The following C8orf34 variants were observed in gnomAD, a reference collection of about 807,000 sequenced individuals.
C8orf34 encodes uncharacterized protein C8orf34.
Under a neutral mutation model 68.3 loss-of-function variants are expected in C8orf34, and 65 were observed. That is an observed-to-expected ratio of 0.95 (90% confidence interval 0.78 to 1.17). C8orf34 has a LOEUF of 1.17. Ranked by LOEUF, C8orf34 falls within the 50% of genes most tolerant of loss-of-function variation. The pLI is 0.00. For synonymous variants in C8orf34, 244 were observed against 241.2 expected, an observed-to-expected ratio of 1.01 and a Z score of -0.11; for missense variants, 664 against 655.4, an observed-to-expected ratio of 1.01 and a Z score of -0.14.
At chr8:68,429,450 T>A (rs1046091229) in intron 1 of C8orf34, among the ~76,000 whole-genome samples, 3 of 152,210 alleles carry the variant, frequency 2.0e-5, no homozygotes, top group Non-Finnish European at 4.4e-5. Context: ...TTGTTTACAA[T>A]CACGTTTATA....
intron 7 of C8orf34, among the ~76,000 whole-genome samples, chr8:68,623,749 GGA>G (rs1447648034): frequency 6.6e-6 from 1 of 151,936 alleles, no homozygotes; most frequent in African/African-American, 2.4e-5. Context: ...AGAAAGAAGG[GGA>G]GAGAGCTCAC....
At chr8:68,581,181 G>A (rs1817054291) in intron 7 of C8orf34, among the ~76,000 whole-genome samples, 1 of 152,230 alleles carries the variant, frequency 6.6e-6, no homozygotes, top group East Asian at 1.9e-4. Context: ...TCTTATGCAA[G>A]TTTTGATGAA....
intron 8 of C8orf34, among the ~76,000 whole-genome samples, chr8:68,674,992 A>G (rs10101569): frequency 0.53 from 79,350 of 151,112 alleles, 21,578 homozygotes; most frequent in African/African-American, 0.67. Flanking sequence ...CCAGGAGACC[A>G]TGGCATGACA....
chr8:68,482,483 C>G (rs994841340), intron 4 of C8orf34, among the ~76,000 whole-genome samples: 1 of 152,082 alleles, frequency 6.6e-6, no homozygotes, highest in Non-Finnish European at 1.5e-5. Flanking sequence ...CTATGTTGCC[C>G]AGGCTGGTCT....
chr8:68,599,422 A>G (rs1205868688), intron 7 of C8orf34, among the ~76,000 whole-genome samples: 1 of 152,098 alleles, frequency 6.6e-6, no homozygotes, highest in Non-Finnish European at 1.5e-5. Context: ...AGGAAGAACA[A>G]AGTGGAAGAT....
intron 10 of C8orf34, among the ~76,000 whole-genome samples, chr8:68,771,393 C>T (rs1823330642): frequency 6.6e-6 from 1 of 152,022 alleles, no homozygotes; most frequent in Non-Finnish European, 1.5e-5. Context: ...CAACATGTAG[C>T]CATCATATTA....
rs1039991858 is a variant in C8orf34, at chr8:68,580,727, T to C, written c.1105+47578T>C. Among the ~76,000 whole-genome samples the C allele has an allele frequency of 3.3e-5, 5 of 152,186 alleles. No homozygotes were observed. The South Asian group carries it at 1.0e-3, about 32-fold the overall frequency. ...AGAAAATGAGAAAGTAAAGAATTTGTACCAAAGTTATTAACTTAGTATGAA... is the reference window on the plus strand; with the variant it reads ...AGAAAATGAGAAAGTAAAGAATTTGCACCAAAGTTATTAACTTAGTATGAA... On this transcript the variant is annotated intron_variant, in intron 7 of 13. Coordinates refer to ENST00000518698, the MANE Select transcript of C8orf34 (RefSeq NM_052958.4).
At chr8:68,566,473 A>T (rs1487937415) in intron 7 of C8orf34, among the ~76,000 whole-genome samples, 1 of 152,222 alleles carries the variant, frequency 6.6e-6, no homozygotes, top group Non-Finnish European at 1.5e-5. Flanking sequence ...GATCTTCTGG[A>T]TAACTTGCTG....
intron 4 of C8orf34, among the ~76,000 whole-genome samples, chr8:68,480,974 A>T (rs4737910): frequency 2.0e-5 from 3 of 151,620 alleles, no homozygotes; most frequent in Non-Finnish European, 2.9e-5. Context: ...GTAGCCAGGA[A>T]CCTAATGTTA....
intron 8 of C8orf34, among the ~76,000 whole-genome samples, chr8:68,656,824 C>A (rs952462141): frequency 6.6e-6 from 1 of 152,144 alleles, no homozygotes; most frequent in Non-Finnish European, 1.5e-5. Context: ...TGTAAGTATT[C>A]AACTGTGATT....
At chr8:68,428,021 C>A (rs1273534313) in intron 1 of C8orf34, among the ~76,000 whole-genome samples, 1 of 149,262 alleles carries the variant, frequency 6.7e-6, no homozygotes, top group Non-Finnish European at 1.5e-5. Flanking sequence ...AAATAAAAAT[C>A]ATAATATTCC....
intron 6 of C8orf34, among the ~76,000 whole-genome samples, chr8:68,526,507 T>C (rs1814994404): frequency 3.9e-5 from 6 of 152,134 alleles, no homozygotes; most frequent in Admixed American, 3.9e-4. Flanking sequence ...CAGTACTAGG[T>C]ATATGACAAG....
intron 7 of C8orf34, among the ~76,000 whole-genome samples, chr8:68,587,190 C>G (rs1441118196): frequency 6.6e-6 from 1 of 152,080 alleles, no homozygotes; most frequent in Non-Finnish European, 1.5e-5. Context: ...TCACACTTCT[C>G]CAGTAATCTA....
chr8:68,588,043 AT>A (rs1817260252), intron 7 of C8orf34, among the ~76,000 whole-genome samples: 1 of 152,266 alleles, frequency 6.6e-6, no homozygotes, highest in Non-Finnish European at 1.5e-5. Context: ...GTCAAATTAT[AT>A]TTATTCAGAT....
intron 7 of C8orf34, among the ~76,000 whole-genome samples, chr8:68,564,471 T>G (rs1816525275): frequency 6.6e-6 from 1 of 152,212 alleles, no homozygotes; most frequent in Admixed American, 6.5e-5. Context: ...TGGCCTTATA[T>G]AATGAAGAAC....
chr8:68,768,649 A>G (rs1823250825), intron 10 of C8orf34, among the ~76,000 whole-genome samples: 1 of 152,166 alleles, frequency 6.6e-6, no homozygotes, highest in Non-Finnish European at 1.5e-5. Flanking sequence ...AAAAATACTG[A>G]TACATCTAAC....
At chr8:68,806,106 A>G (rs1227554752) in intron 12 of C8orf34, among the ~76,000 whole-genome samples, 2 of 152,104 alleles carry the variant, frequency 1.3e-5, no homozygotes, top group Non-Finnish European at 2.9e-5. Context: ...AAACTTAAAA[A>G]ATGTTTAGCT....
At chr8:68,752,431 G>C (rs1281093132) in intron 10 of C8orf34, among the ~76,000 whole-genome samples, 3 of 152,098 alleles carry the variant, frequency 2.0e-5, no homozygotes, top group Non-Finnish European at 4.4e-5. Flanking sequence ...GCTGGGTAGG[G>C]CCATCTTTCC....
At chr8:68,721,465 T>A (rs761407878) in intron 10 of C8orf34, 28 bp downstream of exon 10, 1 of 1,451,124 alleles carries the variant, frequency 6.9e-7, no homozygotes, top group Non-Finnish European at 9.6e-7. Context: ...CTTATTTTTT[T>A]TAATTGCTAA....
Sources: gnomAD v4.1 joint callset for allele counts (sites outside exome capture counted in the v4.1 genomes callset) on GRCh38, gnomAD v4.1.1 for gene constraint, MANE v1.5 for transcripts, NCBI Gene and HGNC (gene_info 2026-07-23, HGNC 2026-07-21) for gene names.